The following ANXA10 variants were observed in gnomAD, a reference collection of about 807,000 sequenced individuals.
ANXA10 encodes annexin 14.
Under a neutral mutation model 53.5 loss-of-function variants are expected in ANXA10, and 49 were observed. That is an observed-to-expected ratio of 0.92 (90% CI 0.73 to 1.16). ANXA10 has a LOEUF of 1.16. Among genes scored for constraint, ANXA10 ranks in the 50% most tolerant of loss-of-function variants. The pLI is 0.00. For synonymous variants in ANXA10, 131 were observed against 128.9 expected, an observed-to-expected ratio of 1.02 and a Z score of -0.11; for missense variants, 393 against 394.4, an observed-to-expected ratio of 1.00 and a Z score of 0.03.
chr4:168,152,342 A>C (rs1731512028), intron 3 of ANXA10, among the ~76,000 whole-genome samples: 1 of 152,196 alleles, frequency 6.6e-6, no homozygotes, highest in African/African-American at 2.4e-5. Flanking sequence ...CAGATCTGCT[A>C]TTCCAGGTTC....
intron 1 of ANXA10, among the ~76,000 whole-genome samples, chr4:168,126,722 A>C (rs1006222043): frequency 6.6e-6 from 1 of 152,196 alleles, no homozygotes; most frequent in East Asian, 1.9e-4. Context: ...TATAATAAGT[A>C]TAATGATTGA....
chr4:168,174,955 T>C (rs1732093234), intron 6 of ANXA10, among the ~76,000 whole-genome samples: 1 of 152,156 alleles, frequency 6.6e-6, no homozygotes, highest in South Asian at 2.1e-4. Flanking sequence ...TTGCTAGAGA[T>C]GTAAATAAAT....
In ANXA10 at chr4:168,128,112, A is replaced by G. The variant is rs764821785; in HGVS notation, c.47A>G (p.Asn16Ser). ...CAAGGAACCATCTTCCCAGCTCCCA[A>G]TTTCAATCCCATAATGGATGCCCAA... is the stretch of plus-strand genomic sequence containing the variant. ...YVQGTIFPAP[N>S]FNPIMDAQML... Residue 16 changes from asparagine to serine, a missense_variant, in exon 2 of 12, where the codon AAT (asparagine) becomes AGT (serine). Transcript: ENST00000359299. 5 of 1,613,488 alleles carry G rather than the reference A, an allele frequency of 3.1e-6. No individual in the cohort carries two copies. In the African/African-American group the frequency reaches 4.0e-5, roughly 13 times the overall value.
chr4:168,097,111 A>T (rs1259314595), intron 1 of ANXA10, among the ~76,000 whole-genome samples: 1 of 151,892 alleles, frequency 6.6e-6, no homozygotes, highest in Non-Finnish European at 1.5e-5. Context: ...AAAATTTCAT[A>T]AACCCACTTA....
intron 3 of ANXA10, among the ~76,000 whole-genome samples, chr4:168,147,119 G>T (rs1252607373): frequency 6.6e-6 from 1 of 152,114 alleles, no homozygotes; most frequent in Non-Finnish European, 1.5e-5. Context: ...TTTTTTTCAT[G>T]TAAATGCAAG....
chr4:168,104,065 A>T lies in ANXA10; in HGVS notation c.18+11347A>T, dbSNP rs190041457. ...GTAGATGTCTTTTACCAAATTAATG[A>T]AGTTGCTTTGTCTTTTAAATTTGCT... On this transcript the variant is annotated intron_variant, in intron 1 of 11. Transcript: ENST00000359299. 3.3e-5 allele frequency among the ~76,000 whole-genome samples: 5 copies of T among 151,968 alleles called. No homozygotes were observed. In the East Asian group the frequency reaches 9.7e-4, roughly 29 times the overall value.
At position 168,177,890 on chromosome 4, in the gene ANXA10, G is replaced by A. The variant is rs753496773; in HGVS notation, c.535G>A (p.Val179Ile). ...ACTTCTCTGCTGGCTAATGTTCCAGGTCCTATGGGAAGCCTGTCAGCAGAA... is the reference window on the plus strand; with the variant it reads ...ACTTCTCTGCTGGCTAATGTTCCAGATCCTATGGGAAGCCTGTCAGCAGAA... The part of the protein sequence containing the change: ...DPAMAAQDAM[V>I]LWEACQQKTG... The change falls in exon 8 of 12, where the codon GTC (valine) becomes ATC (isoleucine). Residue 179 changes from valine (V) to isoleucine (I), a missense_variant and splice_region_variant. Transcript: ENST00000359299. The A allele has an allele frequency of 3.1e-6, 5 of 1,614,034 alleles. No individual in the cohort carries two copies. The African/African-American group carries it at 6.7e-5, about 22-fold the overall frequency.
At chr4:168,124,274 TAAGGTG>T (rs1451543156) in intron 1 of ANXA10, among the ~76,000 whole-genome samples, 2 of 152,074 alleles carry the variant, frequency 1.3e-5, no homozygotes, top group African/African-American at 4.8e-5. Flanking sequence ...GCCATGATCA[TAAGGTG>T]AAGTCAAGAG....
intron 3 of ANXA10, among the ~76,000 whole-genome samples, chr4:168,158,637 A>G (rs147385199): frequency 5.6e-4 from 86 of 152,312 alleles, no homozygotes; most frequent in African/African-American, 1.9e-3. Flanking sequence ...TCTCAATCTT[A>G]GAGGATAAGC....
chr4:168,177,818 G>A (rs1380172145), intron 7 of ANXA10, 25 bp downstream of exon 7: 1 of 1,614,098 alleles, frequency 6.2e-7, no homozygotes, highest in Admixed American at 1.7e-5. Flanking sequence ...TTCTCAGACT[G>A]ACTGCAAAGA....
rs139728408 is a variant in ANXA10 at position 168,130,834 on chromosome 4, ATC to A, written c.100+2683_100+2684del. On this transcript the variant is annotated intron_variant, in intron 2 of 11. Transcript: ENST00000359299. ...TTCGTTTCTGATATTCGTAAGTTTT[ATC>A]TCTCTCTCTCTCTGTCTCTGTCTCT... Among the ~76,000 whole-genome samples, 15 of 148,842 alleles carry A rather than the reference ATC, an allele frequency of 1.0e-4. 1 individual carries two copies. The highest frequency in any genetic ancestry group is 2.7e-4 in the Admixed American group (4 of 14,868).
At chr4:168,166,027 A>G (rs1239374058) in intron 6 of ANXA10, among the ~76,000 whole-genome samples, 3 of 152,188 alleles carry the variant, frequency 2.0e-5, no homozygotes. Context: ...GCGCACACTA[A>G]CATTTCTGAG....
chr4:168,128,154 T>G lies in ANXA10; in HGVS notation c.89T>G (p.Leu30Arg), dbSNP rs1339152667. 7 of 1,612,842 alleles carry G rather than the reference T, an allele frequency of 4.3e-6. No homozygotes were observed. Among genetic ancestry groups the G allele is most frequent in the African/African-American group, 1.3e-5 (1 of 74,938 alleles). ...IMDAQMLGGA[L>R]QGFDCDKDML... ...GATGCCCAAATGCTAGGAGGAGCAC[T>G]CCAAGGATTTGGTAAGTCTGATTAT... Residue 30 changes from leucine to arginine, a missense_variant, in exon 2 of 12, where the codon CTC (leucine) becomes CGC (arginine). By Grantham distance (102) the Leu-to-Arg change is moderately radical (BLOSUM62 -2). Transcript: ENST00000359299.
At chr4:168,183,025 A>G (rs530000660) in intron 10 of ANXA10, among the ~76,000 whole-genome samples, 39 of 150,976 alleles carry the variant, frequency 2.6e-4, no homozygotes, top group East Asian at 7.8e-4. Flanking sequence ...AAAAAAAAAA[A>G]AAAAGAAAAA....
intron 6 of ANXA10, among the ~76,000 whole-genome samples, chr4:168,170,828 T>G (rs1578932613): frequency 6.6e-6 from 1 of 151,894 alleles, no homozygotes; most frequent in South Asian, 2.1e-4. Context: ...ACATATTTCA[T>G]AAAGATTATT....
At chr4:168,153,862 C>T (rs577518098) in intron 3 of ANXA10, among the ~76,000 whole-genome samples, 130 of 152,214 alleles carry the variant, frequency 8.5e-4, no homozygotes, top group Non-Finnish European at 1.6e-3. Flanking sequence ...GCCTAAAAAC[C>T]CTACCTCCAG....
At chr4:168,142,405 A>T (rs10030053) in intron 3 of ANXA10, among the ~76,000 whole-genome samples, 101,120 of 151,976 alleles carry the variant, frequency 0.67, 34,964 homozygotes, top group African/African-American at 0.84. Context: ...GCCCCTCACC[A>T]CCAGTCATGT....
intron 3 of ANXA10, among the ~76,000 whole-genome samples, chr4:168,160,687 A>C (rs1731767757): frequency 6.6e-6 from 1 of 152,084 alleles, no homozygotes; most frequent in African/African-American, 2.4e-5. Context: ...AGAGTGTAAA[A>C]ATGTTCCTTT....
At chr4:168,182,984 G>A (rs764149542) in intron 10 of ANXA10, among the ~76,000 whole-genome samples, 1 of 66,856 alleles carries the variant, frequency 1.5e-5, no homozygotes, top group Non-Finnish European at 2.8e-5. Context: ...ACTCCGGCCT[G>A]GCGACAGAGC....
Sources: allele counts gnomAD v4.1 joint callset (sites outside exome capture counted in the v4.1 genomes callset), GRCh38; gene constraint gnomAD v4.1.1; transcripts MANE v1.5; gene names NCBI Gene and HGNC (gene_info 2026-07-23, HGNC 2026-07-21).